MTBP: variants seen among roughly 807,000 people sequenced by gnomAD.
MTBP encodes the protein MDM2 binding protein, also known as mdm2-binding protein.
A neutral mutation model predicts 117.0 loss-of-function variants in MTBP; 101 were observed. The ratio of observed to expected loss-of-function variants is 0.86; its 90% CI spans 0.73 to 1.02. The LOEUF is 1.02. Among genes scored for constraint, MTBP ranks in the 50% least tolerant of loss-of-function variants. The pLI, the probability that MTBP is intolerant of heterozygous loss-of-function variation, is 0.00. For missense variants in MTBP, 970 were observed against 1,030.9 expected, an observed-to-expected ratio of 0.94 and a Z score of 0.81; for synonymous variants, 350 against 351.5, an observed-to-expected ratio of 1.00 and a Z score of 0.05.
intron 18 of MTBP, among the ~76,000 whole-genome samples, chr8:120,516,686 C>T (rs1397263000): frequency 6.6e-6 from 1 of 151,978 alleles, no homozygotes; most frequent in Non-Finnish European, 1.5e-5. Context: ...AGTTTGCTAA[C>T]TAAATGAAAT....
At chr8:120,501,414 T>C (rs1179848119) in intron 14 of MTBP, among the ~76,000 whole-genome samples, 1 of 151,404 alleles carries the variant, frequency 6.6e-6, no homozygotes, top group African/African-American at 2.4e-5. Flanking sequence ...CTGGGCATAG[T>C]GGCATGTACC....
At chr8:120,464,387 C>A (rs977130523) in intron 10 of MTBP, among the ~76,000 whole-genome samples, 4 of 151,674 alleles carry the variant, frequency 2.6e-5, no homozygotes, top group Admixed American at 1.3e-4. Flanking sequence ...TGCTTTTTTT[C>A]TAGTTATTTA....
chr8:120,466,082 A>G (rs1205795966), intron 10 of MTBP, among the ~76,000 whole-genome samples: 2 of 152,114 alleles, frequency 1.3e-5, no homozygotes, highest in Non-Finnish European at 2.9e-5. Flanking sequence ...AGACTTTATA[A>G]CTATGTTCCC....
chr8:120,515,653 A>G (rs1291636655), intron 17 of MTBP, among the ~76,000 whole-genome samples: 1 of 152,046 alleles, frequency 6.6e-6, no homozygotes, highest in Non-Finnish European at 1.5e-5. Context: ...TTTGAAAATA[A>G]GCCAAAGGAT....
intron 14 of MTBP, 59 bp from the exon 15 acceptor site, chr8:120,502,433 A>G (rs1451257235): frequency 8.4e-7 from 1 of 1,190,486 alleles, no homozygotes; most frequent in Non-Finnish European, 1.2e-6. Flanking sequence ...ACACATTTTT[A>G]TTAGCAAAAT....
intron 10 of MTBP, among the ~76,000 whole-genome samples, chr8:120,468,031 CGT>C (rs1563789734): frequency 6.6e-6 from 1 of 151,970 alleles, no homozygotes; most frequent in Admixed American, 6.6e-5. Context: ...CCTTTTTAAC[CGT>C]ACAGTCTGGT....
intron 1 of MTBP, among the ~76,000 whole-genome samples, chr8:120,446,089 G>A (rs1318675319): frequency 6.6e-6 from 1 of 152,160 alleles, no homozygotes; most frequent in Non-Finnish European, 1.5e-5. Flanking sequence ...ATTCAATATT[G>A]CATTTTATGT....
rs559274688 is a variant in MTBP at position 120,475,683 on chromosome 8, T to C, written c.1165+4746T>C. Among the ~76,000 whole-genome samples, 5 of 152,092 alleles carry C rather than the reference T, an allele frequency of 3.3e-5. No individual in the cohort carries two copies. The South Asian group carries it at 1.0e-3, about 32-fold the overall frequency. On this transcript the variant is annotated intron_variant, in intron 11 of 21. Coordinates refer to ENST00000305949, the MANE Select transcript of MTBP (RefSeq NM_022045.5). ...TATTCAATAAAATACCCAGAAATTA[T>C]GATGATACAGGAAAAATGCAAAAGC...
At chr8:120,472,215 A>G (rs549090219) in intron 11 of MTBP, 4 of 152,280 alleles carry the variant, frequency 2.6e-5, no homozygotes, top group Admixed American at 6.5e-5. Flanking sequence ...CAGATTTTCT[A>G]TTTTTCTGTA....
At chr8:120,506,107 T>C (rs1419483239) in intron 15 of MTBP, among the ~76,000 whole-genome samples, 1 of 152,216 alleles carries the variant, frequency 6.6e-6, no homozygotes, top group Non-Finnish European at 1.5e-5. Context: ...ATTAAGAATA[T>C]ATTATATGTA....
intron 11 of MTBP, among the ~76,000 whole-genome samples, chr8:120,480,916 TAAAG>T (rs527432944): frequency 5.3e-5 from 8 of 152,238 alleles, no homozygotes; most frequent in African/African-American, 1.9e-4. Context: ...ACAATCTACT[TAAAG>T]AAAATAGTTC....
At chr8:120,489,324 A>G (rs1158125028) in intron 12 of MTBP, among the ~76,000 whole-genome samples, 1 of 152,172 alleles carries the variant, frequency 6.6e-6, no homozygotes, top group East Asian at 1.9e-4. Context: ...GGCGTGATCC[A>G]CTGCGCCCGG....
At chr8:120,519,925 C>A (rs1428081522) in intron 20 of MTBP, among the ~76,000 whole-genome samples, 1 of 152,076 alleles carries the variant, frequency 6.6e-6, no homozygotes, top group African/African-American at 2.4e-5. Flanking sequence ...GTTTTTCCAC[C>A]CACCTCAGTG....
intron 10 of MTBP, among the ~76,000 whole-genome samples, chr8:120,465,018 G>A (rs4871067): frequency 6.6e-6 from 1 of 152,008 alleles, no homozygotes; most frequent in Non-Finnish European, 1.5e-5. Flanking sequence ...AGAGACCCTA[G>A]TTTAGATAGA....
chr8:120,515,148 G>T (rs911024422), intron 17 of MTBP, among the ~76,000 whole-genome samples: 1 of 151,942 alleles, frequency 6.6e-6, no homozygotes, highest in Admixed American at 6.6e-5. Context: ...ACAGAGAAAG[G>T]TTTTAATTTG....
intron 4 of MTBP, 77 bp from the exon 5 acceptor site, chr8:120,453,770 A>G (rs1456287885): frequency 3.3e-6 from 2 of 613,882 alleles, no homozygotes; most frequent in Non-Finnish European, 5.5e-6. Context: ...CAATCTTTTT[A>G]GTTAATATTA....
intron 17 of MTBP, among the ~76,000 whole-genome samples, chr8:120,510,920 A>G (rs1293478729): frequency 6.6e-6 from 1 of 152,118 alleles, no homozygotes; most frequent in Non-Finnish European, 1.5e-5. Context: ...AGAAAAAAAA[A>G]AAAAAAAAGA....
chr8:120,464,994 T>C (rs1245421457), intron 10 of MTBP, among the ~76,000 whole-genome samples: 2 of 152,108 alleles, frequency 1.3e-5, no homozygotes, highest in Non-Finnish European at 2.9e-5. Context: ...CAGCCTGAGA[T>C]AGGGAATAAG....
chr8:120,463,900 G>A, intron 10 of MTBP, 139 bp downstream of exon 10: 1 of 703,780 alleles, frequency 1.4e-6, no homozygotes, highest in Non-Finnish European at 2.3e-6. Context: ...GGATAATTTT[G>A]GTCCTAACTC....
Sources: gnomAD v4.1 joint callset for allele counts (sites outside exome capture counted in the v4.1 genomes callset) on GRCh38, gnomAD v4.1.1 for gene constraint, MANE v1.5 for transcripts, NCBI Gene and HGNC (gene_info 2026-07-23, HGNC 2026-07-21) for gene names.